PAPPA: variants seen among roughly 807,000 people sequenced by gnomAD.
PAPPA encodes the protein pappalysin 1, also known as pappalysin-1.
In PAPPA, 60 loss-of-function variants were observed where a neutral mutation model predicts 164.0. That is an observed-to-expected ratio of 0.37 (90% CI 0.30 to 0.45). PAPPA has a LOEUF of 0.45. PAPPA is among the 20% of genes least tolerant of loss of function. The pLI, the probability that PAPPA is intolerant of heterozygous loss-of-function variation, is 1.00. For missense variants in PAPPA, 1,782 were observed against 2,087.3 expected (o/e 0.85, Z 2.85); for synonymous variants, 875 against 814.1 (o/e 1.07, Z -1.27).
chr9:116,358,499 T>G (rs1233652254), intron 17 of PAPPA, among the ~76,000 whole-genome samples: 1 of 152,180 alleles, frequency 6.6e-6, no homozygotes, highest in Non-Finnish European at 1.5e-5. Context: ...ATTTTACAGA[T>G]GGGGAAGCTG....
intron 10 of PAPPA, among the ~76,000 whole-genome samples, chr9:116,330,507 C>G (rs914580409): frequency 6.6e-6 from 1 of 151,848 alleles, no homozygotes; most frequent in African/African-American, 2.4e-5. Flanking sequence ...TGCAAGAAAC[C>G]CCTAAGTTTG....
At chr9:116,219,848 C>T (rs1432269604) in intron 4 of PAPPA, 89 bp from the exon 5 acceptor site, 5 of 1,126,302 alleles carry the variant, frequency 4.4e-6, no homozygotes, top group South Asian at 1.4e-5. Context: ...TGGGTGCTGA[C>T]TCTTGGGCCG....
rs57871796 is a variant in PAPPA at position 116,314,060 on chromosome 9, CTTTTTTTTTTTTT to C, written c.3147+11128_3147+11140del. 5.2e-4 allele frequency among the ~76,000 whole-genome samples: 36 copies of C among 69,726 alleles called. 1 individual carries two copies. The highest frequency in any genetic ancestry group is 2.3e-3 in the Admixed American group (15 of 6,580). The allele number at this position is 69,726 out of a possible 152,430, so 45.7% of individuals were successfully genotyped here. A position where few individuals can be genotyped will look rare whatever the true frequency, so the allele number is the denominator to read the frequency against. Reference sequence around the variant, plus strand: ...ATTCAGTTCTGTCATTGCATCGAATCTTTTTTTTTTTTTTTTTTTTTTTTTTTTTTGAGATGGA... The same window carrying C: ...ATTCAGTTCTGTCATTGCATCGAATCTTTTTTTTTTTTTTTTTGAGATGGA... On this transcript the variant is annotated intron_variant, in intron 10 of 21. Coordinates refer to ENST00000328252, the MANE Select transcript of PAPPA (RefSeq NM_002581.5).
intron 14 of PAPPA, 89 bp downstream of exon 14, chr9:116,344,800 G>A: frequency 8.6e-7 from 1 of 1,169,340 alleles, no homozygotes; most frequent in Non-Finnish European, 1.2e-6. Flanking sequence ...ATACCCAGCA[G>A]CACTTAAAAT....
rs1362030638 is a variant in PAPPA at position 116,227,567 on chromosome 9, T to C, written c.2233+15T>C. 6.2e-7 allele frequency: 1 copy of C among 1,613,558 alleles called. No homozygotes were observed. On this transcript the variant is annotated intron_variant, in intron 6 of 21. Coordinates refer to ENST00000328252, the MANE Select transcript of PAPPA (RefSeq NM_002581.5). The stretch of plus-strand genomic sequence containing the variant: ...TGAAGCAGAAGGTAAGCCAGCCTTC[T>C]GGAAGCTCATTGACAGGAGGAGTGT...
intron 1 of PAPPA, among the ~76,000 whole-genome samples, chr9:116,161,915 G>C (rs1432183349): frequency 6.6e-6 from 1 of 152,122 alleles, no homozygotes; most frequent in African/African-American, 2.4e-5. Context: ...TCAGTTCCCT[G>C]CGTGTTCTGT....
intron 21 of PAPPA, 102 bp downstream of exon 21, chr9:116,382,595 T>G (rs527359052): frequency 3.2e-5 from 25 of 769,364 alleles, no homozygotes; most frequent in Admixed American, 1.4e-4. Context: ...GTCCTAACTC[T>G]GCCAGCACTG....
intron 13 of PAPPA, among the ~76,000 whole-genome samples, chr9:116,337,707 C>T (rs558111857): frequency 9.3e-4 from 141 of 152,014 alleles, no homozygotes; most frequent in African/African-American, 3.3e-3. Context: ...CTCTCTCCCC[C>T]GCCCCCCACC....
At chr9:116,374,528 A>AGTGGAAAATCCAAAAGCC (rs1383383379) in intron 19 of PAPPA, among the ~76,000 whole-genome samples, 40 of 152,216 alleles carry the variant, frequency 2.6e-4, no homozygotes, top group Non-Finnish European at 1.2e-4. Context: ...CCTGAGTAAT[A>AGTGGAAAATCCAAAAGCC]GTGGAAAATC....
At chr9:116,383,051 A>C (rs1472913665) in intron 21 of PAPPA, among the ~76,000 whole-genome samples, 5 of 152,224 alleles carry the variant, frequency 3.3e-5, no homozygotes, top group African/African-American at 1.2e-4. Flanking sequence ...AGAATTAGAG[A>C]AAGATGGTCA....
chr9:116,371,234 T>C (rs1166370530), intron 19 of PAPPA, among the ~76,000 whole-genome samples: 4 of 152,044 alleles, frequency 2.6e-5, no homozygotes, highest in Non-Finnish European at 2.9e-5. Context: ...CTGGCCAACA[T>C]GGTGAAACCC....
chr9:116,222,798 A>G (rs1844461667), intron 5 of PAPPA, among the ~76,000 whole-genome samples: 1 of 152,186 alleles, frequency 6.6e-6, no homozygotes. Context: ...ACTCTAATAA[A>G]TGATAATGCA....
In PAPPA at chr9:116,314,148, T is replaced by A. The variant is rs146660552; in HGVS notation, c.3147+11198T>A. 3.1e-3 allele frequency among the ~76,000 whole-genome samples: 423 copies of A among 137,698 alleles called. 4 individuals carry two copies. Among genetic ancestry groups the A allele is most frequent in the African/African-American group, 0.011 (407 of 37,064 alleles). The allele number at this position is 137,698 out of a possible 152,430, so 90.3% of individuals were successfully genotyped here. A position where few individuals can be genotyped will look rare whatever the true frequency, so the allele number is the denominator to read the frequency against. On this transcript the variant is annotated intron_variant, in intron 10 of 21. Coordinates refer to ENST00000328252, the MANE Select transcript of PAPPA (RefSeq NM_002581.5). ...GTATAGTGGTGCAATCTTGGCTCAC[T>A]GCAGCCTCCACCTCCCAGGTTTTTC...
At chr9:116,290,862 G>A (rs1845427745) in intron 9 of PAPPA, among the ~76,000 whole-genome samples, 1 of 151,736 alleles carries the variant, frequency 6.6e-6, no homozygotes, top group African/African-American at 2.4e-5. Flanking sequence ...TATTATCCAG[G>A]CCAAATTTCA....
At position 116,220,111 on chromosome 9, in the gene PAPPA, A is replaced by G; in HGVS notation, c.2093A>G (p.Asp698Gly). 2.5e-6 allele frequency: 4 copies of G among 1,613,390 alleles called. No homozygotes were observed. The highest frequency in any genetic ancestry group is 4.5e-5 in the East Asian group (2 of 44,860). Reference sequence around the variant, plus strand: ...ACACTGGAGTGGTTCCCACCTATAGATGGCCATTTCTTTGAAAGGTGAGTG... The same window carrying G: ...ACACTGGAGTGGTTCCCACCTATAGGTGGCCATTTCTTTGAAAGGTGAGTG... ...SVTLEWFPPI[D>G]GHFFERELGS... The change falls in exon 5 of 22, where the codon GAT becomes GGT. Residue 698 changes from aspartate (D) to glycine (G), a missense_variant. By Grantham distance (94) the Asp-to-Gly change is moderately conservative. Transcript: ENST00000328252.
chr9:116,205,441 T>G (rs932926521), intron 2 of PAPPA, among the ~76,000 whole-genome samples: 4 of 152,148 alleles, frequency 2.6e-5, no homozygotes, highest in African/African-American at 9.7e-5. Context: ...TTGATGGAAA[T>G]GAACAAATCA....
At chr9:116,330,971 A>G (rs1845983857) in intron 10 of PAPPA, among the ~76,000 whole-genome samples, 1 of 152,110 alleles carries the variant, frequency 6.6e-6, no homozygotes, top group Non-Finnish European at 1.5e-5. Context: ...GGCCCAAATC[A>G]AATAACAACT....
rs533112568 is a variant in PAPPA, at chr9:116,324,027, G to A, written c.3148-7217G>A. ...AGGCCTGTTTTGGTCTGTTGAAGCA[G>A]CTTCTATTTCAGGAGCCCCAGGGAA... On this transcript the variant is annotated intron_variant, in intron 10 of 21. Transcript: ENST00000328252. Among the ~76,000 whole-genome samples the A allele has an allele frequency of 4.5e-3, 691 of 152,314 alleles. 1 individual carries two copies. The highest frequency in any genetic ancestry group is 6.9e-3 in the Non-Finnish European group (467 of 68,028).
At chr9:116,253,848 T>C (rs971783461) in intron 7 of PAPPA, among the ~76,000 whole-genome samples, 6 of 152,340 alleles carry the variant, frequency 3.9e-5, no homozygotes, top group Admixed American at 6.5e-5. Context: ...TCTAGCATAC[T>C]ACCAAAATTT....
Sources: gnomAD v4.1 joint callset for allele counts (sites outside exome capture counted in the v4.1 genomes callset) on GRCh38, gnomAD v4.1.1 for gene constraint, MANE v1.5 for transcripts, NCBI Gene and HGNC (gene_info 2026-07-23, HGNC 2026-07-21) for gene names.